Variants in ZMYND11 observed in about 807,000 individuals in gnomAD.
ZMYND11 encodes the protein zinc finger MYND-type containing 11, also known as zinc finger MYND domain-containing protein 11.
A neutral mutation model predicts 84.9 loss-of-function variants in ZMYND11; 9 were observed. The ratio of observed to expected loss-of-function variants is 0.11; its 90% CI spans 0.06 to 0.18. The LOEUF (loss-of-function observed/expected upper bound fraction) is 0.18. Among genes scored for constraint, ZMYND11 ranks in the 10% least tolerant of loss-of-function variants. The probability of loss-of-function intolerance (pLI) is 1.00; values close to 1 mark genes in which losing one functional copy is unlikely to be tolerated. For missense variants in ZMYND11, 409 were observed against 761.0 expected (o/e 0.54, Z 5.44); for synonymous variants, 250 against 244.1 (o/e 1.02, Z -0.23).
chr10:237,501 A>C, intron 5 of ZMYND11, 84 bp from the exon 6 acceptor site: 1 of 800,974 alleles, frequency 1.2e-6, no homozygotes, highest in Non-Finnish European at 1.9e-6. Context: ...ATAAAAAGGT[A>C]GAAAATATTT....
At position 252,703 on chromosome 10, in the gene ZMYND11, T is replaced by C; in HGVS notation, c.*233T>C. 2.7e-6 allele frequency: 1 copy of C among 375,798 alleles called. No individual in the cohort carries two copies. The highest frequency in any genetic ancestry group is 4.6e-6 in the Non-Finnish European group (1 of 216,746). 23.3% of individuals were successfully genotyped at this position (375,798 alleles called of 1,614,324 possible). On this transcript the variant is annotated 3_prime_UTR_variant, in exon 15 of 15. Transcript: ENST00000381604. This position sits in a 1 kb window ranked among gnomAD's most constrained non-coding sequence, Gnocchi z 4.6. ...GGTATTATTTTAAATAAATTTTAAT[T>C]GAGAATTTGTTGCATTTTCAGCAAA...
In ZMYND11 at chr10:217,537, G is replaced by C. The variant is rs776912992; in HGVS notation, c.277-3658G>C. Among the ~76,000 whole-genome samples the C allele has an allele frequency of 2.6e-5, 4 of 151,326 alleles. No homozygotes were observed. In the South Asian group the frequency reaches 8.3e-4, roughly 31 times the overall value. ...TCCAAAAAAAAAAAAAAAAATTGTT[G>C]TGAAATACAGATGTGATAATGAATT... On this transcript the variant is annotated intron_variant, in intron 3 of 14. Transcript: ENST00000381604.
chr10:251,488 C>T (rs933882340), intron 14 of ZMYND11, among the ~76,000 whole-genome samples: 1 of 152,148 alleles, frequency 6.6e-6, no homozygotes, highest in East Asian at 1.9e-4. Context: ...GTTCTTCCTC[C>T]AGGGCTCTCA....
At chr10:227,875 G>T (rs1259923796) in intron 4 of ZMYND11, among the ~76,000 whole-genome samples, 1 of 152,104 alleles carries the variant, frequency 6.6e-6, no homozygotes, top group Non-Finnish European at 1.5e-5. Context: ...CTAGAATGGA[G>T]ATTTGATTTT....
Position 249,853 on chromosome 10 carries a change from TATTTTTAAATCTGTGACAAAG to T in ZMYND11, c.1686+770_1686+790del, listed in dbSNP as rs1186604115. 4.7e-6 allele frequency: 4 copies of T among 853,014 alleles called. No individual in the cohort carries two copies. The African/African-American group carries it at 5.5e-5, about 12-fold the overall frequency. 52.8% of individuals were successfully genotyped at this position (853,014 alleles called of 1,614,324 possible). On this transcript the variant is annotated intron_variant, in intron 14 of 14. Coordinates refer to ENST00000381604, the MANE Select transcript of ZMYND11 (RefSeq NM_001370100.5). ...ACACATAAGCTTTTCATGAAAGAAA[TATTTTTAAATCTGTGACAAAG>T]ATTTGGCAAGAAGGAAAATGGAAAC...
chr10:235,495 C>CT (rs1949794150), intron 4 of ZMYND11, among the ~76,000 whole-genome samples: 1 of 152,098 alleles, frequency 6.6e-6, no homozygotes, highest in Admixed American at 6.6e-5. Flanking sequence ...CATGGACACT[C>CT]TGTCTTGGCC....
At chr10:200,273 ATAAT>A (rs993000577) in intron 2 of ZMYND11, among the ~76,000 whole-genome samples, 44 of 141,168 alleles carry the variant, frequency 3.1e-4, no homozygotes, top group African/African-American at 1.1e-3. Flanking sequence ...ATAATTATAT[ATAAT>A]ATATAATATG....
At chr10:251,477 G>A (rs1589325747) in intron 14 of ZMYND11, among the ~76,000 whole-genome samples, 1 of 152,108 alleles carries the variant, frequency 6.6e-6, no homozygotes, top group East Asian at 1.9e-4. Flanking sequence ...AGTCTCCCTG[G>A]GTTCTTCCTC....
intron 1 of ZMYND11, among the ~76,000 whole-genome samples, chr10:175,542 C>T (rs1554766753): frequency 1.3e-5 from 2 of 152,078 alleles, no homozygotes. Context: ...GCACTCCAGC[C>T]TGGGTGACAA....
chr10:241,935 TTA>T (rs1951039766), intron 9 of ZMYND11, 84 bp from the exon 10 acceptor site: 1 of 1,462,946 alleles, frequency 6.8e-7, no homozygotes, highest in East Asian at 2.3e-5. Context: ...AAATAATGGA[TTA>T]TATGTGACTA....
intron 2 of ZMYND11, among the ~76,000 whole-genome samples, chr10:185,518 G>A (rs1328550573): frequency 2.0e-5 from 3 of 149,046 alleles, no homozygotes; most frequent in Non-Finnish European, 4.5e-5. Context: ...AAGCGTGGTG[G>A]GGGTGGGGGC....
At chr10:147,891 C>T (rs1839291392) in intron 1 of ZMYND11, 1 of 152,118 alleles carries the variant, frequency 6.6e-6, no homozygotes, top group Non-Finnish European at 1.5e-5. Flanking sequence ...AGCAGCAATA[C>T]AAAAGTGTTC....
chr10:152,468 C>A (rs1030884934), intron 1 of ZMYND11, among the ~76,000 whole-genome samples: 1 of 151,898 alleles, frequency 6.6e-6, no homozygotes, highest in South Asian at 2.1e-4. Context: ...AGAGACAAAG[C>A]CATTACATAT....
intron 2 of ZMYND11, among the ~76,000 whole-genome samples, chr10:191,426 T>C (rs866211755): frequency 2.6e-5 from 4 of 152,204 alleles, no homozygotes; most frequent in Non-Finnish European, 4.4e-5. Flanking sequence ...TCACAACAAC[T>C]GTGAAGTTTA....
At chr10:198,388 A>T (rs2448367) in intron 2 of ZMYND11, among the ~76,000 whole-genome samples, 140,459 of 151,768 alleles carry the variant, frequency 0.93, 65,394 homozygotes, top group Non-Finnish European at 0.98. Context: ...GAACATTTTT[A>T]AAAAAAAAGT....
At chr10:251,120 C>T (rs1394864668) in intron 14 of ZMYND11, among the ~76,000 whole-genome samples, 1 of 152,016 alleles carries the variant, frequency 6.6e-6, no homozygotes, top group East Asian at 1.9e-4. Context: ...TGCCAGATGC[C>T]GAATAATGGA....
At chr10:197,692 G>T (rs2131025362) in intron 2 of ZMYND11, among the ~76,000 whole-genome samples, 1 of 152,284 alleles carries the variant, frequency 6.6e-6, no homozygotes, top group Non-Finnish European at 1.5e-5. Flanking sequence ...AGGGTTTTCA[G>T]AAAGTTAACC....
chr10:186,888 A>G, intron 2 of ZMYND11, among the ~76,000 whole-genome samples: 1 of 152,074 alleles, frequency 6.6e-6, no homozygotes, highest in Non-Finnish European at 1.5e-5. Flanking sequence ...ATATCTCCCC[A>G]AGAAAGAGAG....
At chr10:154,443 C>T (rs890832326) in intron 1 of ZMYND11, among the ~76,000 whole-genome samples, 7 of 152,216 alleles carry the variant, frequency 4.6e-5, no homozygotes, top group Admixed American at 1.3e-4. Flanking sequence ...TCATAGATGT[C>T]GAGACGGATG....
Sources: allele counts gnomAD v4.1 joint callset (sites outside exome capture counted in the v4.1 genomes callset), GRCh38; gene constraint gnomAD v4.1.1; non-coding constraint Gnocchi (gnomAD v3.1); transcripts MANE v1.5; gene names NCBI Gene and HGNC (gene_info 2026-07-23, HGNC 2026-07-21).